Variants in PNPLA6 observed in about 807,000 individuals in gnomAD.
The protein encoded by PNPLA6 is patatin like domain 6, lysophospholipase, also known as patatin-like phospholipase domain-containing protein 6.
Under a neutral mutation model 153.7 loss-of-function variants are expected in PNPLA6, and 105 were observed. The observed-to-expected ratio is 0.68, with a 90% CI of 0.58 to 0.80. The LOEUF (loss-of-function observed/expected upper bound fraction) is 0.80, where lower values mean the gene tolerates loss of function less well. Among genes scored for constraint, PNPLA6 ranks in the 30% least tolerant of loss-of-function variants. PNPLA6 has a pLI of 0.00. For synonymous variants in PNPLA6, 825 were observed against 822.2 expected, an observed-to-expected ratio of 1.00 and a Z score of -0.06; for missense variants, 1,423 against 1,919.3, an observed-to-expected ratio of 0.74 and a Z score of 4.83.
intron 3 of PNPLA6, among the ~76,000 whole-genome samples, chr19:7,537,440 T>A (rs2022929670): frequency 6.6e-6 from 1 of 152,124 alleles, no homozygotes. Flanking sequence ...ACTAGAAATA[T>A]AGGAAGGATG....
chr19:7,557,441 C>T (rs2023931760), intron 27 of PNPLA6, 157 bp downstream of exon 27: 5 of 686,154 alleles, frequency 7.3e-6, no homozygotes, highest in Non-Finnish European at 8.0e-6. Context: ...CGATCACTTG[C>T]ACAAAATGAT....
Position 7,545,812 on chromosome 19 carries a change from T to G in PNPLA6, c.1608+2728T>G, listed in dbSNP as rs192208160. 2.7e-5 allele frequency among the ~76,000 whole-genome samples: 4 copies of G among 149,322 alleles called. No individual in the cohort carries two copies. In the Admixed American group the frequency reaches 2.7e-4, roughly 10 times the overall value. ...CTCTAGTCCCAGCTACTCGGGAGCC[T>G]GAGGCAGGAGAATCACTTGAACCCA... On this transcript the variant is annotated intron_variant, in intron 13 of 31. Transcript: ENST00000600737.
chr19:7,536,663 A>C, intron 3 of PNPLA6, 117 bp downstream of exon 3: 1 of 749,344 alleles, frequency 1.3e-6, no homozygotes, highest in Non-Finnish European at 2.4e-6. Flanking sequence ...GCTGTGGCTC[A>C]TGCCTGTAAT....
intron 16 of PNPLA6, 84 bp from the exon 17 acceptor site, chr19:7,550,910 G>A (rs2023614244): frequency 2.8e-6 from 3 of 1,077,996 alleles, no homozygotes; most frequent in Non-Finnish European, 4.1e-6. Flanking sequence ...AGCCCTAGAT[G>A]GGGCAGTACA....
In PNPLA6 at chr19:7,541,544, T is replaced by G; in HGVS notation, c.1028T>G (p.Phe343Cys). ...FSHEIQPLRL[F>C]PSPGLPTRTS... ...CAGGAGATCCAGCCCCTGCGTCTGT[T>G]CCCCAGCCCCGGCCTCCCAACTCGC... is the stretch of plus-strand genomic sequence containing the variant. The change falls in exon 9 of 32, where the codon TTC (phenylalanine) becomes TGC (cysteine). Residue 343 changes from phenylalanine to cysteine, a missense_variant. Phe to Cys is a radical substitution (Grantham distance 205, BLOSUM62 -2). Transcript: ENST00000600737. This position sits in a 1 kb window ranked among gnomAD's most constrained non-coding sequence, Gnocchi z 5.2. 6.2e-7 allele frequency: 1 copy of G among 1,605,280 alleles called. No homozygotes were observed. Among genetic ancestry groups the G allele is most frequent in the African/African-American group, 1.3e-5 (1 of 74,598 alleles).
chr19:7,550,461 C>A (rs200541209), intron 15 of PNPLA6, 32 bp downstream of exon 15: 2 of 1,612,194 alleles, frequency 1.2e-6, no homozygotes, highest in African/African-American at 1.3e-5. Context: ...TCAGGCCCGG[C>A]CTAGGGGTGG....
Position 7,540,510 on chromosome 19 carries a change from G to C in PNPLA6, c.715-120G>C. On this transcript the variant is annotated intron_variant, in intron 5 of 31. Transcript: ENST00000600737. The surrounding 1 kb of genome is among the most constrained non-coding windows in gnomAD (Gnocchi z 6.8). ...ATGGGAGATGCCTGCTCGTTGGAAG[G>C]GTTGGTGGGTTCCCCTGAGAAGGGA... The C allele has an allele frequency of 9.8e-7, 1 of 1,024,486 alleles. No individual in the cohort carries two copies. Among genetic ancestry groups the C allele is most frequent in the Non-Finnish European group, 1.5e-6 (1 of 652,706 alleles). The allele number at this position is 1,024,486 out of a possible 1,614,324, so 63.5% of individuals were successfully genotyped here.
Position 7,540,061 on chromosome 19 carries a change from C to T in PNPLA6, c.554+3C>T, listed in dbSNP as rs1457264897. 6.2e-7 allele frequency: 1 copy of T among 1,614,004 alleles called. No homozygotes were observed. Among genetic ancestry groups the T allele is most frequent in the East Asian group, 2.2e-5 (1 of 44,890 alleles). On this transcript the variant is annotated splice_donor_region_variant and intron_variant, in intron 4 of 31. Coordinates refer to ENST00000600737, the MANE Select transcript of PNPLA6 (RefSeq NM_001166114.2). This position sits in a 1 kb window ranked among gnomAD's most constrained non-coding sequence, Gnocchi z 6.8. ...CTTTATATGCTCAAGAACGTCCGGTCAGTGTTGGGGTGCAGGTGGGGGTGG... is the reference window on the plus strand; with the variant it reads ...CTTTATATGCTCAAGAACGTCCGGTTAGTGTTGGGGTGCAGGTGGGGGTGG...
intron 30 of PNPLA6, 22 bp downstream of exon 30, chr19:7,561,132 CCA>C (rs1365654511): frequency 1.9e-6 from 3 of 1,600,072 alleles, no homozygotes; most frequent in Admixed American, 1.7e-5. Flanking sequence ...AGGGGACCCC[CCA>C]AGAGGGAGGG....
At position 7,542,115 on chromosome 19, in the gene PNPLA6, G is replaced by C. The variant is rs554406587; in HGVS notation, c.1252+48G>C. 109 of 1,471,952 alleles carry C rather than the reference G, an allele frequency of 7.4e-5. No individual in the cohort carries two copies. In the South Asian group the frequency reaches 1.1e-3, roughly 15 times the overall value. 91.2% of individuals were successfully genotyped at this position (1,471,952 alleles called of 1,614,324 possible). A position where few individuals can be genotyped will look rare whatever the true frequency, so the allele number is the denominator to read the frequency against. ...GGAGGGCCATGGAGCTTCCAGGTTT[G>C]AATCCAGGTCCACCGCCTGCCTGTC... On this transcript the variant is annotated intron_variant, in intron 10 of 31. Coordinates refer to ENST00000600737, the MANE Select transcript of PNPLA6 (RefSeq NM_001166114.2).
Position 7,541,250 on chromosome 19 carries a change from C to T in PNPLA6, c.925-104C>T. The stretch of plus-strand genomic sequence containing the variant: ...ATTTCCCCAGACTGTGGGTCTCTCC[C>T]TGGTTCCCGCCCGACCCCTTATGCT... On this transcript the variant is annotated intron_variant, in intron 7 of 31. Coordinates refer to ENST00000600737, the MANE Select transcript of PNPLA6 (RefSeq NM_001166114.2). The surrounding 1 kb of genome is among the most constrained non-coding windows in gnomAD (Gnocchi z 5.2). 8.5e-7 allele frequency: 1 copy of T among 1,172,780 alleles called. No individual in the cohort carries two copies. The highest frequency in any genetic ancestry group is 1.5e-5 in the African/African-American group (1 of 65,998). The allele number at this position is 1,172,780 out of a possible 1,614,324, so 72.6% of individuals were successfully genotyped here. A position where few individuals can be genotyped will look rare whatever the true frequency, so the allele number is the denominator to read the frequency against.
intron 13 of PNPLA6, among the ~76,000 whole-genome samples, chr19:7,543,473 C>A (rs554549796): frequency 2.6e-5 from 4 of 152,368 alleles, no homozygotes; most frequent in African/African-American, 9.6e-5. Context: ...CTACAAATCG[C>A]CATCTGGCCT....
At position 7,549,924 on chromosome 19, in the gene PNPLA6, C is replaced by G. The variant is rs778970098; in HGVS notation, c.1626C>G (p.Phe542Leu). 2 of 1,613,504 alleles carry G rather than the reference C, an allele frequency of 1.2e-6. No individual in the cohort carries two copies. The highest frequency in any genetic ancestry group is 2.7e-5 in the African/African-American group (2 of 74,950). Residue 542 changes from phenylalanine to leucine, a missense_variant, in exon 14 of 32, where the codon TTC becomes TTG. Coordinates refer to ENST00000600737, the MANE Select transcript of PNPLA6 (RefSeq NM_001166114.2). ...RQGDQDVSLHFVLWGCLHVYQ... is the reference protein window; with the variant it reads ...RQGDQDVSLHLVLWGCLHVYQ... ...CCGCACAGGACGTGAGCCTGCACTT[C>G]GTGCTCTGGGGCTGCCTGCACGTGT... is the stretch of plus-strand genomic sequence containing the variant.
intron 18 of PNPLA6, 138 bp downstream of exon 18, chr19:7,551,575 C>T (rs570915013): frequency 5.6e-4 from 424 of 763,788 alleles, no homozygotes; most frequent in Non-Finnish European, 8.6e-4. Flanking sequence ...GGTTTCAAAC[C>T]CTAAGTAGGA....
rs2024110502 is a variant in PNPLA6, at chr19:7,561,709, A to C, written c.*147A>C. ...ACTGACCTGCCCTGAGCGGGGATGC[A>C]GTGTTGCACTGATGACTTGACCAGC... On this transcript the variant is annotated 3_prime_UTR_variant, in exon 32 of 32. Transcript: ENST00000600737. The C allele has an allele frequency of 2.8e-6, 2 of 707,408 alleles. No homozygotes were observed. Among genetic ancestry groups the C allele is most frequent in the Non-Finnish European group, 5.1e-6 (2 of 389,934 alleles). The allele number at this position is 707,408 out of a possible 1,614,324, so 43.8% of individuals were successfully genotyped here. A position where few individuals can be genotyped will look rare whatever the true frequency, so the allele number is the denominator to read the frequency against.
chr19:7,542,185 C>A, intron 10 of PNPLA6, 118 bp downstream of exon 10: 1 of 767,042 alleles, frequency 1.3e-6, no homozygotes. Flanking sequence ...CAGTACTTCC[C>A]CAGGCACTGT....
Position 7,541,640 on chromosome 19 carries a change from G to C in PNPLA6, c.1124G>C (p.Gly375Ala). 6.3e-7 allele frequency: 1 copy of C among 1,586,442 alleles called. No individual in the cohort carries two copies. The highest frequency in any genetic ancestry group is 1.3e-5 in the African/African-American group (1 of 74,500). The change falls in exon 9 of 32, where the codon GGG (glycine) becomes GCG (alanine). Residue 375 changes from glycine (G) to alanine (A), a missense_variant. Around this residue, in one of 10 missense-constraint regions of PNPLA6, gnomAD observed 267 missense variants for 255.1 expected, o/e 1.05. Coordinates refer to ENST00000600737, the MANE Select transcript of PNPLA6 (RefSeq NM_001166114.2). This position sits in a 1 kb window ranked among gnomAD's most constrained non-coding sequence, Gnocchi z 5.2. Reference sequence around the variant, plus strand: ...ACAGACGAGCCCAGGGAGACCCCAGGGCGGCCACCCGATCCCACCGGGGCC... The same window carrying C: ...ACAGACGAGCCCAGGGAGACCCCAGCGCGGCCACCCGATCCCACCGGGGCC... ...SATDEPRETP[G>A]RPPDPTGAPL...
In PNPLA6 at chr19:7,541,728, GCC is replaced by G. The variant is rs759427068; in HGVS notation, c.1168+47_1168+48del. On this transcript the variant is annotated intron_variant, in intron 9 of 31. Transcript: ENST00000600737. The surrounding 1 kb of genome is among the most constrained non-coding windows in gnomAD (Gnocchi z 5.2). ...CCAGCCGAGCCCAATCTCCCAGGAAGCCCCGTCTCAGCCGCCAGCCCCTTTTT... is the reference window on the plus strand; with the variant it reads ...CCAGCCGAGCCCAATCTCCCAGGAAGCCGTCTCAGCCGCCAGCCCCTTTTT... The G allele has an allele frequency of 1.9e-6, 3 of 1,543,142 alleles. No individual in the cohort carries two copies. In the East Asian group the frequency reaches 7.2e-5, roughly 37 times the overall value.
upstream of PNPLA6, chr19:7,535,435 A>G (rs958386198): frequency 9.2e-7 from 1 of 1,085,662 alleles, no homozygotes; most frequent in East Asian, 2.6e-5. This position sits in a 1 kb window ranked among gnomAD's most constrained non-coding sequence, Gnocchi z 5.0. Flanking sequence ...AGCTGGGGGC[A>G]GGGCTTGAGG....
Sources: allele counts gnomAD v4.1 joint callset (sites outside exome capture counted in the v4.1 genomes callset), GRCh38; gene constraint gnomAD v4.1.1; regional missense constraint gnomAD v4.1.1; non-coding constraint Gnocchi (gnomAD v3.1); transcripts MANE v1.5; gene names NCBI Gene and HGNC (gene_info 2026-07-23, HGNC 2026-07-21).